The following ARHGEF10L variants were observed in gnomAD, a reference collection of about 807,000 sequenced individuals.
ARHGEF10L encodes the protein rho guanine nucleotide exchange factor 10-like protein.
ARHGEF10L carries 69 observed loss-of-function variants against 141.2 expected under a neutral mutation model. That is an observed-to-expected ratio of 0.49 (90% CI 0.40 to 0.60). ARHGEF10L has a LOEUF of 0.60. Among genes scored for constraint, ARHGEF10L ranks in the 20% least tolerant of loss-of-function variants. The pLI is 0.00. For missense variants in ARHGEF10L, 1,482 were observed against 1,734.3 expected (o/e 0.85, Z 2.58); for synonymous variants, 711 against 718.5 (o/e 0.99, Z 0.17).
intron 26 of ARHGEF10L, among the ~76,000 whole-genome samples, chr1:17,669,846 T>A (rs1342360560): frequency 6.6e-6 from 1 of 151,794 alleles, no homozygotes; most frequent in Non-Finnish European, 1.5e-5. Flanking sequence ...GAGCTCGGAG[T>A]CCAGTGTGCA....
chr1:17,560,496 C>G (rs2077502804), intron 1 of ARHGEF10L, among the ~76,000 whole-genome samples: 1 of 152,158 alleles, frequency 6.6e-6, no homozygotes, highest in Non-Finnish European at 1.5e-5. Flanking sequence ...AGGCAGGAAC[C>G]AGCCCAGGAC....
chr1:17,631,972 T>C (rs2060719563), intron 15 of ARHGEF10L, among the ~76,000 whole-genome samples: 1 of 152,208 alleles, frequency 6.6e-6, no homozygotes, highest in Non-Finnish European at 1.5e-5. Context: ...GAGCCACCTC[T>C]GTAACTCCAG....
At chr1:17,528,698 G>A in the ARHGEF10L span, among the ~76,000 whole-genome samples, 3 of 152,150 alleles carry the variant, frequency 2.0e-5, no homozygotes, top group African/African-American at 7.2e-5. Flanking sequence ...GCATTCTGGA[G>A]ACACAACTCT....
In ARHGEF10L at chr1:17,616,114, C is replaced by T. The variant is rs768211673; in HGVS notation, c.747C>T (p.Ala249=). The change falls in exon 9 of 29, where the codon GCC becomes GCT. Residue 249 remains alanine (A), a synonymous_variant. Coordinates refer to ENST00000361221, the MANE Select transcript of ARHGEF10L (RefSeq NM_018125.4). The stretch of plus-strand genomic sequence containing the variant: ...CTCAGATGACCCAGCTCATGAAGGC[C>T]GCCAAGAGCGGGACCAAGGATGGGC... ...YDCKMTQLMK[A]AKSGTKDGLE... is the part of the protein sequence containing the mutation. The T allele has an allele frequency of 2.0e-5, 32 of 1,613,624 alleles. No homozygotes were observed. Among genetic ancestry groups the T allele is most frequent in the Non-Finnish European group, 2.4e-5 (28 of 1,180,008 alleles).
intron 4 of ARHGEF10L, among the ~76,000 whole-genome samples, chr1:17,599,156 C>T (rs1235887038): frequency 6.6e-6 from 1 of 151,786 alleles, no homozygotes; most frequent in African/African-American, 2.4e-5. Context: ...GCCAACGTGG[C>T]GAAACCCCAT....
intron 11 of ARHGEF10L, 132 bp from the exon 12 acceptor site, chr1:17,622,864 A>G: frequency 1.1e-6 from 1 of 884,098 alleles, no homozygotes; most frequent in East Asian, 2.6e-5. Context: ...AGGACGCATG[A>G]GGAGTGAGGG....
intron 26 of ARHGEF10L, among the ~76,000 whole-genome samples, chr1:17,674,103 C>T (rs1319938609): frequency 6.6e-6 from 1 of 152,210 alleles, no homozygotes; most frequent in Non-Finnish European, 1.5e-5. Context: ...CTTATCCTCT[C>T]TGTATTGTCC....
chr1:17,612,132 G>A (rs2059581276), intron 7 of ARHGEF10L, among the ~76,000 whole-genome samples: 1 of 152,070 alleles, frequency 6.6e-6, no homozygotes, highest in African/African-American at 2.4e-5. Flanking sequence ...GGCAGCTAGT[G>A]TCAGCTCACA....
intron 2 of ARHGEF10L, 111 bp downstream of exon 2, chr1:17,580,743 T>TCTGCTGG: frequency 7.5e-7 from 1 of 1,328,212 alleles, no homozygotes; most frequent in South Asian, 1.2e-5. Flanking sequence ...GGAAGTCTGC[T>TCTGCTGG]CTGCTGGCTG....
At chr1:17,641,585 T>C (rs1369584101) in intron 21 of ARHGEF10L, among the ~76,000 whole-genome samples, 1 of 152,066 alleles carries the variant, frequency 6.6e-6, no homozygotes, top group Non-Finnish European at 1.5e-5. Flanking sequence ...ATCATGCCAC[T>C]GCACTCCAGC....
At chr1:17,634,282 C>T (rs372570565) in intron 16 of ARHGEF10L, 40 of 602,174 alleles carry the variant, frequency 6.6e-5, no homozygotes, top group African/African-American at 6.0e-4. Context: ...GTGATTTGGG[C>T]TGAGTCACTT....
chr1:17,541,353 A>G (rs2248133), intron 1 of ARHGEF10L, among the ~76,000 whole-genome samples: 7,854 of 152,316 alleles, frequency 0.052, 279 homozygotes, highest in Non-Finnish European at 0.077. Flanking sequence ...AACAGGGGCC[A>G]TGTCTGTCCT....
intron 25 of ARHGEF10L, among the ~76,000 whole-genome samples, chr1:17,661,450 C>T (rs544384872): frequency 7.1e-4 from 108 of 152,280 alleles, no homozygotes; most frequent in Middle Eastern, 3.4e-3. Flanking sequence ...GCCCTGGAGT[C>T]GACTTCTTAG....
upstream of ARHGEF10L, among the ~76,000 whole-genome samples, chr1:17,537,433 G>A (rs1329501773): frequency 6.6e-6 from 1 of 152,056 alleles, no homozygotes; most frequent in African/African-American, 2.4e-5. Context: ...GGCACAACGG[G>A]GGTCTGGGGC....
chr1:17,658,391 C>T lies in ARHGEF10L; in HGVS notation c.2860+1683C>T, dbSNP rs914711901. Among the ~76,000 whole-genome samples, 16 of 152,198 alleles carry T rather than the reference C, an allele frequency of 1.1e-4. No homozygotes were observed. The South Asian group carries it at 3.1e-3, about 30-fold the overall frequency. The stretch of plus-strand genomic sequence containing the variant: ...GGGGTTGGAGCCTGTTAGTCAGGAC[C>T]AAAAGAGCCACTGGGACCATTGAAC... On this transcript the variant is annotated intron_variant, in intron 25 of 28. Transcript: ENST00000361221.
Position 17,549,973 on chromosome 1 carries a change from A to G in ARHGEF10L, c.-44+10023A>G, listed in dbSNP as rs2077051850. On this transcript the variant is annotated intron_variant, in intron 1 of 28. Coordinates refer to ENST00000361221, the MANE Select transcript of ARHGEF10L (RefSeq NM_018125.4). ...TACGAACATTTGCAGGGTCAAGGGCAGGGAGGGACTGATTTACCTTTGCAA... is the reference window on the plus strand; with the variant it reads ...TACGAACATTTGCAGGGTCAAGGGCGGGGAGGGACTGATTTACCTTTGCAA... Among the ~76,000 whole-genome samples the G allele has an allele frequency of 2.6e-5, 4 of 152,220 alleles. No individual in the cohort carries two copies. In the South Asian group the frequency reaches 6.2e-4, roughly 24 times the overall value.
At chr1:17,632,933 G>A (rs1185358866) in intron 16 of ARHGEF10L, among the ~76,000 whole-genome samples, 3 of 152,366 alleles carry the variant, frequency 2.0e-5, no homozygotes, top group East Asian at 1.9e-4. Flanking sequence ...GTTCTGGGCC[G>A]GGGATTGTGG....
At chr1:17,554,547 TCC>T (rs2077231877) in intron 1 of ARHGEF10L, among the ~76,000 whole-genome samples, 1 of 149,902 alleles carries the variant, frequency 6.7e-6, no homozygotes, top group African/African-American at 2.5e-5. Flanking sequence ...GGAGGCTGAA[TCC>T]TCAGCCTCCC....
At chr1:17,602,106 A>G in intron 4 of ARHGEF10L, 21 bp from the exon 5 acceptor site, 2 of 1,543,238 alleles carry the variant, frequency 1.3e-6, no homozygotes, top group Non-Finnish European at 1.7e-6. Context: ...ACACCTCTGC[A>G]GTGCCATCTC....
Sources: allele counts gnomAD v4.1 joint callset (sites outside exome capture counted in the v4.1 genomes callset), GRCh38; gene constraint gnomAD v4.1.1; transcripts MANE v1.5; gene names NCBI Gene and HGNC (gene_info 2026-07-23, HGNC 2026-07-21).